Variants in ASS1 observed in about 807,000 individuals in gnomAD.
ASS1 encodes the protein argininosuccinate synthase.
A neutral mutation model predicts 60.5 loss-of-function variants in ASS1; 58 were observed. That is an observed-to-expected ratio of 0.96 (90% CI 0.78 to 1.19). The LOEUF is 1.19. Ranked by LOEUF, ASS1 falls within the 50% of genes most tolerant of loss-of-function variation. The probability of loss-of-function intolerance (pLI) is 0.00; values close to 1 mark genes in which losing one functional copy is unlikely to be tolerated. For synonymous variants in ASS1, 200 were observed against 206.9 expected (o/e 0.97, Z 0.29); for missense variants, 454 against 547.3 (o/e 0.83, Z 1.70).
chr9:130,484,437 G>C (rs1007826273), intron 11 of ASS1, among the ~76,000 whole-genome samples: 1 of 151,106 alleles, frequency 6.6e-6, no homozygotes, highest in East Asian at 1.9e-4. Context: ...ATCCTTGCCC[G>C]TCTCCCCACT....
chr9:130,497,488 TAAA>T (rs56795102), intron 13 of ASS1, among the ~76,000 whole-genome samples: 6 of 142,650 alleles, frequency 4.2e-5, no homozygotes, highest in Admixed American at 1.4e-4. Flanking sequence ...TCAGGGGAGG[TAAA>T]AAAAAAAAAA....
intron 5 of ASS1, chr9:130,466,498 C>A: frequency 1.7e-6 from 1 of 601,688 alleles, no homozygotes. Flanking sequence ...CAACACACCA[C>A]CATTCTGCCA....
rs147392565 is a variant in ASS1, at chr9:130,489,131, G to T, written c.839-202G>T. On this transcript the variant is annotated intron_variant, in intron 11 of 14. Transcript: ENST00000352480. This position sits in a 1 kb window ranked among gnomAD's most constrained non-coding sequence, Gnocchi z 4.1. ...CTAGACATTTTCTCCACAAGCCGCA[G>T]AGTGGACTGTCGTGGCCCCAGCATG... Among the ~76,000 whole-genome samples, 5 of 152,292 alleles carry T rather than the reference G, an allele frequency of 3.3e-5. No homozygotes were observed. The highest frequency in any genetic ancestry group is 7.4e-5 in the Non-Finnish European group (5 of 68,022).
At chr9:130,475,368 T>A (rs1048186689) in intron 8 of ASS1, among the ~76,000 whole-genome samples, 3 of 152,188 alleles carry the variant, frequency 2.0e-5, no homozygotes, top group African/African-American at 7.2e-5. Flanking sequence ...ATATACTACT[T>A]AAATTGTAAG....
rs201153157 is a variant in ASS1 at position 130,499,675 on chromosome 9, GCTGCC to G, written c.1193+128_1193+132del. On this transcript the variant is annotated intron_variant, in intron 14 of 14. Transcript: ENST00000352480. ...GGTAGGCTTTGATGCGACCTTGACT[GCTGCC>G]CTGCCCTGCCCTGCCCTGCCCTAGA... 5.9e-4 allele frequency: 713 copies of G among 1,214,444 alleles called. 1 individual carries two copies. In the East Asian group the frequency reaches 6.0e-3, roughly 10 times the overall value. 75.2% of individuals were successfully genotyped at this position (1,214,444 alleles called of 1,614,324 possible).
Position 130,477,905 on chromosome 9 carries a change from C to G in ASS1, c.688+944C>G, listed in dbSNP as rs889696417. Among the ~76,000 whole-genome samples the G allele has an allele frequency of 2.0e-5, 3 of 152,156 alleles. No homozygotes were observed. Among genetic ancestry groups the G allele is most frequent in the Non-Finnish European group, 4.4e-5 (3 of 68,012 alleles). ...CGGCTCTGGCGCTCGGCTCTTACCCCGGCTACCACAGAAAGGAGGATAGGG... is the reference window on the plus strand; with the variant it reads ...CGGCTCTGGCGCTCGGCTCTTACCCGGGCTACCACAGAAAGGAGGATAGGG... On this transcript the variant is annotated intron_variant, in intron 9 of 14. Transcript: ENST00000352480. The surrounding 1 kb of genome is among the most constrained non-coding windows in gnomAD (Gnocchi z 4.2).
chr9:130,478,951 C>A lies in ASS1; in HGVS notation c.689-765C>A. Among the ~76,000 whole-genome samples, 1 of 152,188 alleles carries A rather than the reference C, an allele frequency of 6.6e-6. No homozygotes were observed. Among genetic ancestry groups the A allele is most frequent in the East Asian group, 1.9e-4 (1 of 5,182 alleles). ...GCTCGCTCCATGGTAATGAGCCGGG[C>A]AGATGGGTGGGGGATTAGCCGCCAA... is the stretch of plus-strand genomic sequence containing the variant. On this transcript the variant is annotated intron_variant, in intron 9 of 14. Transcript: ENST00000352480. This position sits in a 1 kb window ranked among gnomAD's most constrained non-coding sequence, Gnocchi z 4.7.
rs1424048949 is a variant in ASS1, at chr9:130,478,209, G to A, written c.688+1248G>A. ...CCCTTCATCTGTCCCAACCTACTGGGGGGCCAAAGAGGACCCCAAAGGCAG... is the reference window on the plus strand; with the variant it reads ...CCCTTCATCTGTCCCAACCTACTGGAGGGCCAAAGAGGACCCCAAAGGCAG... On this transcript the variant is annotated intron_variant, in intron 9 of 14. Coordinates refer to ENST00000352480, the MANE Select transcript of ASS1 (RefSeq NM_054012.4). The surrounding 1 kb of genome is among the most constrained non-coding windows in gnomAD (Gnocchi z 4.7). 6.6e-6 allele frequency among the ~76,000 whole-genome samples: 1 copy of A among 152,218 alleles called. No individual in the cohort carries two copies. The highest frequency in any genetic ancestry group is 1.9e-4 in the East Asian group (1 of 5,188).
In ASS1 at chr9:130,495,713, G is replaced by A. The variant is rs11243545; in HGVS notation, c.1127+690G>A. Among the ~76,000 whole-genome samples, 156 of 152,124 alleles carry A rather than the reference G, an allele frequency of 1.0e-3. 1 individual carries two copies. In the East Asian group the frequency reaches 0.025, roughly 24 times the overall value. ...TCTGGAGAACGGATTTGAGTAGGTG[G>A]GAGGTGGAAGGGCACCTGTGGAAAT... On this transcript the variant is annotated intron_variant, in intron 13 of 14. Coordinates refer to ENST00000352480, the MANE Select transcript of ASS1 (RefSeq NM_054012.4).
At chr9:130,497,495 A>T (rs1846634743) in intron 13 of ASS1, among the ~76,000 whole-genome samples, 1 of 152,166 alleles carries the variant, frequency 6.6e-6, no homozygotes, top group Non-Finnish European at 1.5e-5. Flanking sequence ...AGGTAAAAAA[A>T]AAAAAAGAAA....
intron 12 of ASS1, among the ~76,000 whole-genome samples, chr9:130,493,118 C>T (rs925742349): frequency 6.6e-6 from 1 of 152,088 alleles, no homozygotes; most frequent in Non-Finnish European, 1.5e-5. Context: ...GCTGGGAGAA[C>T]ATCAGTGGCC....
At chr9:130,484,109 C>T (rs138462731) in intron 11 of ASS1, among the ~76,000 whole-genome samples, 246 of 152,314 alleles carry the variant, frequency 1.6e-3, no homozygotes, top group African/African-American at 5.6e-3. Flanking sequence ...CTCCCATCAC[C>T]ATGGCAACTG....
chr9:130,476,389 T>C lies in ASS1; in HGVS notation c.598-482T>C. The C allele has an allele frequency of 5.4e-6, 1 of 185,010 alleles. No individual in the cohort carries two copies. The highest frequency in any genetic ancestry group is 1.1e-5 in the Non-Finnish European group (1 of 88,092). 11.5% of individuals were successfully genotyped at this position (185,010 alleles called of 1,614,324 possible). Reference sequence around the variant, plus strand: ...TTGCTTTGCTCTTCTCTTTTCTCCCTGTGAGTATTAACCTTGGGGACCCTG... The same window carrying C: ...TTGCTTTGCTCTTCTCTTTTCTCCCCGTGAGTATTAACCTTGGGGACCCTG... On this transcript the variant is annotated intron_variant, in intron 8 of 14. Coordinates refer to ENST00000352480, the MANE Select transcript of ASS1 (RefSeq NM_054012.4). The surrounding 1 kb of genome is among the most constrained non-coding windows in gnomAD (Gnocchi z 4.9).
At chr9:130,497,449 A>G (rs968162211) in intron 13 of ASS1, among the ~76,000 whole-genome samples, 3 of 152,164 alleles carry the variant, frequency 2.0e-5, no homozygotes, top group African/African-American at 7.2e-5. Context: ...ATGAGCAAAA[A>G]TAAAAGCACA....
Position 130,476,999 on chromosome 9 carries a change from T to C in ASS1, c.688+38T>C. 1 of 1,590,050 alleles carries C rather than the reference T, an allele frequency of 6.3e-7. No homozygotes were observed. ...CTGTTGGGACTCGAAGGGGGTTGAC[T>C]TTTGGGGCCCTGGCTCCTTTCCCCT... On this transcript the variant is annotated intron_variant, in intron 9 of 14. Coordinates refer to ENST00000352480, the MANE Select transcript of ASS1 (RefSeq NM_054012.4). This position sits in a 1 kb window ranked among gnomAD's most constrained non-coding sequence, Gnocchi z 4.9.
At chr9:130,479,304 T>C (rs529522899) in intron 9 of ASS1, among the ~76,000 whole-genome samples, 1 of 151,932 alleles carries the variant, frequency 6.6e-6, no homozygotes, top group Non-Finnish European at 1.5e-5. Context: ...TGTGTGTGTG[T>C]GAGCGAGTAT....
intron 12 of ASS1, among the ~76,000 whole-genome samples, chr9:130,490,699 G>A (rs76818084): frequency 6.6e-6 from 1 of 152,254 alleles, no homozygotes; most frequent in East Asian, 1.9e-4. Context: ...AAGTGTTGCC[G>A]GGCACGGTGG....
chr9:130,487,211 A>G (rs1373154169), intron 11 of ASS1, among the ~76,000 whole-genome samples: 1 of 152,210 alleles, frequency 6.6e-6, no homozygotes. Flanking sequence ...GGCAGCTAAC[A>G]GTCGGGAGAA....
At chr9:130,481,757 G>A (rs1428788310) in intron 11 of ASS1, among the ~76,000 whole-genome samples, 3 of 152,170 alleles carry the variant, frequency 2.0e-5, no homozygotes, top group Non-Finnish European at 2.9e-5. Flanking sequence ...GGCTTGCCTC[G>A]AAAGACATGG....
Sources: gnomAD v4.1 joint callset for allele counts (sites outside exome capture counted in the v4.1 genomes callset) on GRCh38, gnomAD v4.1.1 for gene constraint, Gnocchi (gnomAD v3.1) non-coding constraint, MANE v1.5 for transcripts, NCBI Gene and HGNC (gene_info 2026-07-23, HGNC 2026-07-21) for gene names.